Variants in ZC2HC1B observed in about 807,000 individuals in gnomAD.
The protein encoded by ZC2HC1B is zinc finger C2HC domain-containing protein 1B.
ZC2HC1B carries 36 observed loss-of-function variants against 31.0 expected under a neutral mutation model. The ratio of observed to expected loss-of-function variants is 1.16; its 90% CI spans 0.89 to 1.54. ZC2HC1B has a LOEUF of 1.54. ZC2HC1B is among the 40% of genes most tolerant of loss of function. ZC2HC1B has a pLI of 0.00. For missense variants in ZC2HC1B, 260 were observed against 268.6 expected, an observed-to-expected ratio of 0.97 and a Z score of 0.22; for synonymous variants, 73 against 88.0, an observed-to-expected ratio of 0.83 and a Z score of 0.95.
Position 143,924,361 on chromosome 6 carries a change from ATATG to A in ZC2HC1B, c.599-13284_599-13281del, listed in dbSNP as rs1370476561. The stretch of plus-strand genomic sequence containing the variant: ...GAGTCTTTAGGTTTTATATATATAT[ATATG>A]TATTACATATATATATCCATGTATA... On this transcript the variant is annotated intron_variant, in intron 6 of 7. Coordinates refer to ENST00000237275, the MANE Select transcript of ZC2HC1B (RefSeq NM_001013623.3). This position sits in a 1 kb window ranked among gnomAD's most constrained non-coding sequence, Gnocchi z 5.2. Among the ~76,000 whole-genome samples the A allele has an allele frequency of 6.6e-6, 1 of 151,092 alleles. No individual in the cohort carries two copies. The highest frequency in any genetic ancestry group is 1.5e-5 in the Non-Finnish European group (1 of 67,794).
chr6:143,900,488 C>T (rs1486045709), intron 5 of ZC2HC1B, among the ~76,000 whole-genome samples: 1 of 151,716 alleles, frequency 6.6e-6, no homozygotes, highest in African/African-American at 2.4e-5. Context: ...TAACTCAAGC[C>T]AGTTGAGAGA....
In ZC2HC1B at chr6:143,923,180, G is replaced by A. The variant is rs1778001423; in HGVS notation, c.599-14469G>A. Among the ~76,000 whole-genome samples the A allele has an allele frequency of 6.6e-6, 1 of 151,780 alleles. No homozygotes were observed. ...CTTTTTTTTTTCCCTGTAACCAGGG[G>A]TGAGAGAGGTATGTCTTCTTTTGAG... On this transcript the variant is annotated intron_variant, in intron 6 of 7. Transcript: ENST00000237275. The surrounding 1 kb of genome is among the most constrained non-coding windows in gnomAD (Gnocchi z 4.8).
chr6:143,925,226 A>G, intron 6 of ZC2HC1B, among the ~76,000 whole-genome samples: 1 of 124,518 alleles, frequency 8.0e-6, no homozygotes, highest in Non-Finnish European at 1.6e-5. Flanking sequence ...CCCAGGCTGG[A>G]GTGCAGTGGT....
intron 5 of ZC2HC1B, among the ~76,000 whole-genome samples, chr6:143,901,903 G>A (rs1221366244): frequency 5.9e-5 from 9 of 152,214 alleles, no homozygotes; most frequent in Admixed American, 4.6e-4. Flanking sequence ...GCAGTAAAGG[G>A]TGAGTTACAT....
chr6:143,930,381 C>CT (rs34308015), intron 6 of ZC2HC1B, among the ~76,000 whole-genome samples: 101 of 111,764 alleles, frequency 9.0e-4, no homozygotes, highest in Non-Finnish European at 1.2e-3. Flanking sequence ...TTGAGAGTTT[C>CT]TTTTTTTTTT....
intron 5 of ZC2HC1B, among the ~76,000 whole-genome samples, chr6:143,901,245 T>C (rs1469449906): frequency 2.0e-5 from 3 of 147,478 alleles, no homozygotes; most frequent in Non-Finnish European, 3.0e-5. Context: ...TTTCTTTCTT[T>C]CTTCCTTTTT....
intron 6 of ZC2HC1B, among the ~76,000 whole-genome samples, chr6:143,919,857 T>G (rs1164234694): frequency 1.3e-5 from 2 of 152,236 alleles, no homozygotes; most frequent in African/African-American, 2.4e-5. Context: ...TGGGACACAT[T>G]GTGCCAGCGC....
At chr6:143,914,568 G>A (rs965840188) in intron 6 of ZC2HC1B, among the ~76,000 whole-genome samples, 4 of 152,110 alleles carry the variant, frequency 2.6e-5, no homozygotes, top group Non-Finnish European at 4.4e-5. Context: ...TTCTGAATAA[G>A]TCTGTTAGAT....
At position 143,865,977 on chromosome 6, in the gene ZC2HC1B, A is replaced by G. The variant is rs1409217709; in HGVS notation, c.28+1410A>G. Among the ~76,000 whole-genome samples the G allele has an allele frequency of 1.3e-5, 2 of 152,122 alleles. No homozygotes were observed. Among genetic ancestry groups the G allele is most frequent in the Admixed American group, 1.3e-4 (2 of 15,272 alleles). On this transcript the variant is annotated intron_variant, in intron 1 of 7. Coordinates refer to ENST00000237275, the MANE Select transcript of ZC2HC1B (RefSeq NM_001013623.3). This position sits in a 1 kb window ranked among gnomAD's most constrained non-coding sequence, Gnocchi z 4.4. ...ATTACAGGTGTGCACCACCATGCCC[A>G]GCTAATTTTTGTATTCTTAGTAGAG...
At chr6:143,936,514 T>C (rs896193439) in intron 6 of ZC2HC1B, among the ~76,000 whole-genome samples, 2 of 152,240 alleles carry the variant, frequency 1.3e-5, no homozygotes, top group African/African-American at 4.8e-5. Flanking sequence ...AAGATTCTAA[T>C]GTTCAGATGG....
Position 143,886,245 on chromosome 6 carries a change from T to A in ZC2HC1B, c.210+94T>A. ...TTCTGGTTTCATTTTTGCTTGATAA[T>A]ACAGTAATGTAATGTAACTGTAATC... On this transcript the variant is annotated intron_variant, in intron 3 of 7. Coordinates refer to ENST00000237275, the MANE Select transcript of ZC2HC1B (RefSeq NM_001013623.3). The surrounding 1 kb of genome is among the most constrained non-coding windows in gnomAD (Gnocchi z 4.2). 7.7e-7 allele frequency: 1 copy of A among 1,303,818 alleles called. No individual in the cohort carries two copies. Among genetic ancestry groups the A allele is most frequent in the East Asian group, 2.9e-5 (1 of 34,800 alleles). The allele number at this position is 1,303,818 out of a possible 1,614,324, so 80.8% of individuals were successfully genotyped here. A position where few individuals can be genotyped will look rare whatever the true frequency, so the allele number is the denominator to read the frequency against.
At position 143,871,991 on chromosome 6, in the gene ZC2HC1B, C is replaced by T. The variant is rs748522470; in HGVS notation, c.28+7424C>T. On this transcript the variant is annotated intron_variant, in intron 1 of 7. Coordinates refer to ENST00000237275, the MANE Select transcript of ZC2HC1B (RefSeq NM_001013623.3). The surrounding 1 kb of genome is among the most constrained non-coding windows in gnomAD (Gnocchi z 4.1). ...TACGTTAACTGGAGGACCATAATGA[C>T]GTTTTGGGTCCCCTGGAATCAACAT... 2.6e-5 allele frequency among the ~76,000 whole-genome samples: 4 copies of T among 152,148 alleles called. No individual in the cohort carries two copies. Among genetic ancestry groups the T allele is most frequent in the Non-Finnish European group, 4.4e-5 (3 of 68,034 alleles).
intron 5 of ZC2HC1B, among the ~76,000 whole-genome samples, chr6:143,898,928 G>A (rs1028749457): frequency 6.6e-6 from 1 of 152,200 alleles, no homozygotes. Flanking sequence ...GCTTCTTTGG[G>A]TGAAGACTTG....
chr6:143,921,401 G>A lies in ZC2HC1B; in HGVS notation c.599-16248G>A, dbSNP rs997807979. Among the ~76,000 whole-genome samples the A allele has an allele frequency of 1.3e-5, 2 of 152,142 alleles. No individual in the cohort carries two copies. Among genetic ancestry groups the A allele is most frequent in the African/African-American group, 4.8e-5 (2 of 41,452 alleles). Reference sequence around the variant, plus strand: ...CTACTGTATCTTTCTCTATTGTACTGGAATATCCCTACTTTTTAGAGTTGT... The same window carrying A: ...CTACTGTATCTTTCTCTATTGTACTAGAATATCCCTACTTTTTAGAGTTGT... On this transcript the variant is annotated intron_variant, in intron 6 of 7. Transcript: ENST00000237275. The surrounding 1 kb of genome is among the most constrained non-coding windows in gnomAD (Gnocchi z 6.1).
intron 4 of ZC2HC1B, among the ~76,000 whole-genome samples, chr6:143,892,404 T>A (rs1304823972): frequency 6.6e-6 from 1 of 150,480 alleles, no homozygotes; most frequent in Non-Finnish European, 1.5e-5. Flanking sequence ...CAAGCTATCC[T>A]CCCACCTCAG....
rs2128496616 is a variant in ZC2HC1B at position 143,917,675 on chromosome 6, CA to C, written c.598+14525del. Among the ~76,000 whole-genome samples, 1 of 152,158 alleles carries C rather than the reference CA, an allele frequency of 6.6e-6. No homozygotes were observed. Among genetic ancestry groups the C allele is most frequent in the South Asian group, 2.1e-4 (1 of 4,822 alleles). ...ACTTTTTGAGCACTGACATGACATG[CA>C]ATTGATTTTTGGATTAGTGATGTTC... On this transcript the variant is annotated intron_variant, in intron 6 of 7. Transcript: ENST00000237275. The surrounding 1 kb of genome is among the most constrained non-coding windows in gnomAD (Gnocchi z 4.1).
In ZC2HC1B at chr6:143,869,572, C is replaced by G. The variant is rs923148971; in HGVS notation, c.28+5005C>G. Among the ~76,000 whole-genome samples the G allele has an allele frequency of 2.6e-5, 4 of 152,170 alleles. No homozygotes were observed. Among genetic ancestry groups the G allele is most frequent in the Non-Finnish European group, 5.9e-5 (4 of 68,032 alleles). ...ATGAGTCCATGGATGGTAGTCTTGG[C>G]AGAAGCATTGCATGGAGGATAGGCA... On this transcript the variant is annotated intron_variant, in intron 1 of 7. Coordinates refer to ENST00000237275, the MANE Select transcript of ZC2HC1B (RefSeq NM_001013623.3). The surrounding 1 kb of genome is among the most constrained non-coding windows in gnomAD (Gnocchi z 5.2).
intron 4 of ZC2HC1B, among the ~76,000 whole-genome samples, chr6:143,898,326 A>G (rs959309845): frequency 6.6e-6 from 1 of 151,846 alleles, no homozygotes; most frequent in Non-Finnish European, 1.5e-5. Flanking sequence ...ACACCACCAC[A>G]CCTGGCTAAT....
At chr6:143,919,225 G>C (rs992574309) in intron 6 of ZC2HC1B, among the ~76,000 whole-genome samples, 27 of 132,724 alleles carry the variant, frequency 2.0e-4, no homozygotes, top group African/African-American at 6.2e-4. Context: ...CTCTGTGTGT[G>C]TGTGTGTGTG....
Sources: gnomAD v4.1 joint callset for allele counts (sites outside exome capture counted in the v4.1 genomes callset) on GRCh38, gnomAD v4.1.1 for gene constraint, Gnocchi (gnomAD v3.1) non-coding constraint, MANE v1.5 for transcripts, NCBI Gene and HGNC (gene_info 2026-07-23, HGNC 2026-07-21) for gene names.